The following CCDC93 variants were observed in gnomAD, a reference collection of about 807,000 sequenced individuals.
CCDC93 encodes coiled-coil domain-containing protein 93.
Under a neutral mutation model 108.2 loss-of-function variants are expected in CCDC93, and 61 were observed. That is an observed-to-expected ratio of 0.56 (90% CI 0.46 to 0.70). The LOEUF (loss-of-function observed/expected upper bound fraction) is 0.70. Ranked by LOEUF, CCDC93 falls within the 30% of genes least tolerant of loss-of-function variation. CCDC93 has a pLI of 0.00. For synonymous variants in CCDC93, 276 were observed against 260.4 expected, an observed-to-expected ratio of 1.06 and a Z score of -0.58; for missense variants, 685 against 764.2, an observed-to-expected ratio of 0.90 and a Z score of 1.22.
At position 118,008,638 on chromosome 2, in the gene CCDC93, T is replaced by G; in HGVS notation, c.63A>C (p.Glu21Asp). The G allele has an allele frequency of 6.2e-7, 1 of 1,612,156 alleles. No individual in the cohort carries two copies. Among genetic ancestry groups the G allele is most frequent in the Non-Finnish European group, 8.5e-7 (1 of 1,178,490 alleles). ...GLPEVETRED[E>D]EQNVKLTEIL... ...TTTCAGTCAACTTGACATTTTGTTC[T>G]TCATCTTCTCTTGTTTCCACCTAAA... The change falls in exon 2 of 24, where the codon GAA becomes GAC. Residue 21 changes from glutamate to aspartate, a missense_variant. Coordinates refer to ENST00000376300, the MANE Select transcript of CCDC93 (RefSeq NM_019044.5).
chr2:118,009,161 A>G (rs1676958585), intron 1 of CCDC93, among the ~76,000 whole-genome samples: 1 of 152,168 alleles, frequency 6.6e-6, no homozygotes. Context: ...ACTTGAGGTC[A>G]GGAGTTCAAG....
chr2:117,928,441 G>T (rs1344631193), intron 23 of CCDC93, among the ~76,000 whole-genome samples: 3 of 152,008 alleles, frequency 2.0e-5, no homozygotes, highest in Non-Finnish European at 2.9e-5. Context: ...CATCAAAAAG[G>T]GGGCAAAGGA....
intron 12 of CCDC93, among the ~76,000 whole-genome samples, chr2:117,956,051 A>G (rs755467662): frequency 6.6e-6 from 1 of 152,232 alleles, no homozygotes; most frequent in Non-Finnish European, 1.5e-5. Context: ...TGTGTTTAGT[A>G]TATCTGCACA....
intron 14 of CCDC93, among the ~76,000 whole-genome samples, chr2:117,949,085 T>A (rs149426319): frequency 6.6e-6 from 1 of 152,314 alleles, no homozygotes; most frequent in East Asian, 1.9e-4. Flanking sequence ...CAAAAAACTA[T>A]GCTGCTTCTG....
intron 6 of CCDC93, among the ~76,000 whole-genome samples, chr2:117,989,428 A>T (rs1680412504): frequency 6.6e-6 from 1 of 152,172 alleles, no homozygotes; most frequent in Non-Finnish European, 1.5e-5. Flanking sequence ...AACCTGTCAA[A>T]GCATCACCCA....
intron 11 of CCDC93, among the ~76,000 whole-genome samples, chr2:117,972,301 A>C (rs1488872417): frequency 6.6e-6 from 1 of 152,252 alleles, no homozygotes; most frequent in Non-Finnish European, 1.5e-5. Flanking sequence ...ATGGAGGTAG[A>C]GAATGGTCCA....
chr2:117,941,152 C>G (rs1211320274), intron 19 of CCDC93, 37 bp downstream of exon 19: 1 of 1,478,494 alleles, frequency 6.8e-7, no homozygotes, highest in Non-Finnish European at 9.5e-7. Context: ...CTGTCCCTTC[C>G]CAGCCTCAAG....
intron 11 of CCDC93, among the ~76,000 whole-genome samples, chr2:117,967,472 G>T (rs1213296231): frequency 6.6e-6 from 1 of 152,198 alleles, no homozygotes; most frequent in Non-Finnish European, 1.5e-5. Context: ...TCCGTGGTTA[G>T]TTCCCGGTAT....
intron 3 of CCDC93, among the ~76,000 whole-genome samples, chr2:118,004,000 G>A (rs934968125): frequency 5.9e-5 from 9 of 152,196 alleles, no homozygotes; most frequent in Non-Finnish European, 1.2e-4. Context: ...AACATGCCCA[G>A]CTGTGACTAG....
At chr2:117,945,878 T>C (rs146771324) in intron 16 of CCDC93, among the ~76,000 whole-genome samples, 98 of 152,290 alleles carry the variant, frequency 6.4e-4, no homozygotes, top group African/African-American at 2.2e-3. Flanking sequence ...AAATGAGATC[T>C]TAAGAGTCTA....
intron 17 of CCDC93, chr2:117,944,664 A>T (rs1481178802): frequency 8.6e-6 from 4 of 464,106 alleles, no homozygotes; most frequent in Non-Finnish European, 1.3e-5. Flanking sequence ...AGAAAGTTAC[A>T]AAAGGGGTCA....
At chr2:118,000,298 C>T (rs1680805353) in intron 4 of CCDC93, 1 of 152,602 alleles carries the variant, frequency 6.6e-6, no homozygotes, top group South Asian at 2.1e-4. Context: ...TGAGGGAAGG[C>T]TTTCTTGAAG....
At chr2:117,954,793 G>A (rs1475391438) in intron 12 of CCDC93, among the ~76,000 whole-genome samples, 1 of 152,224 alleles carries the variant, frequency 6.6e-6, no homozygotes, top group Non-Finnish European at 1.5e-5. Flanking sequence ...GGATCAGGTG[G>A]AGGTAATTGG....
chr2:117,930,079 C>T lies in CCDC93; in HGVS notation c.1842+958G>A, dbSNP rs146603640. ...TGGAAAAGATGAGATTTTGAAATGC[C>T]TATGGGATGTGGCTTCTAGAAGTTA... On this transcript the variant is annotated intron_variant, in intron 23 of 23. Transcript: ENST00000376300. Among the ~76,000 whole-genome samples the T allele has an allele frequency of 6.4e-4, 98 of 152,238 alleles. 1 individual carries two copies. In the East Asian group the frequency reaches 0.017, roughly 26 times the overall value.
intron 18 of CCDC93, 45 bp downstream of exon 18, chr2:117,943,979 C>T (rs775040883): frequency 2.3e-6 from 3 of 1,319,632 alleles, no homozygotes; most frequent in Admixed American, 2.2e-5. Flanking sequence ...ACATTTATAC[C>T]TAGTTAGAAG....
At position 117,978,846 on chromosome 2, in the gene CCDC93, A is replaced by G. The variant is rs970408924; in HGVS notation, c.621-816T>C. Among the ~76,000 whole-genome samples the G allele has an allele frequency of 3.9e-5, 6 of 152,048 alleles. No individual in the cohort carries two copies. In the East Asian group the frequency reaches 1.2e-3, roughly 29 times the overall value. ...AACATGGTGAAACCCTGTCTCTACTAAAAACACAAAAAGCAGCTGGGCATA... is the reference window on the plus strand; with the variant it reads ...AACATGGTGAAACCCTGTCTCTACTGAAAACACAAAAAGCAGCTGGGCATA... On this transcript the variant is annotated intron_variant, in intron 7 of 23. Coordinates refer to ENST00000376300, the MANE Select transcript of CCDC93 (RefSeq NM_019044.5).
chr2:117,974,968 A>C (rs1679886221), intron 9 of CCDC93, 68 bp from the exon 10 acceptor site: 1 of 1,332,874 alleles, frequency 7.5e-7, no homozygotes, highest in African/African-American at 1.4e-5. Context: ...CAATATGCCT[A>C]CATGGATCTT....
At chr2:117,924,676 G>GAGAA (rs1678013071) in intron 23 of CCDC93, among the ~76,000 whole-genome samples, 1 of 152,222 alleles carries the variant, frequency 6.6e-6, no homozygotes, top group Admixed American at 6.5e-5. Context: ...AAGTGATGGG[G>GAGAA]AGAATGGAAC....
rs1363368978 is a variant in CCDC93, at chr2:118,008,599, C to T, written c.102G>A (p.Leu34=). Residue 34 remains leucine (L), a synonymous_variant, in exon 2 of 24, where the codon TTG becomes TTA. Coordinates refer to ENST00000376300, the MANE Select transcript of CCDC93 (RefSeq NM_019044.5). ...TTGCCCTGAAATACCCAGCTGCAAC[C>T]AAGAGCTCCAGAATTTCAGTCAACT... ...NVKLTEILEL[L]VAAGYFRARI... is the part of the protein sequence containing the mutation. 4 of 1,613,842 alleles carry T rather than the reference C, an allele frequency of 2.5e-6. No homozygotes were observed. In the Admixed American group the frequency reaches 6.7e-5, roughly 27 times the overall value.
Sources: allele counts gnomAD v4.1 joint callset (sites outside exome capture counted in the v4.1 genomes callset), GRCh38; gene constraint gnomAD v4.1.1; transcripts MANE v1.5; gene names NCBI Gene and HGNC (gene_info 2026-07-23, HGNC 2026-07-21).